PTPN4: variants seen among roughly 807,000 people sequenced by gnomAD.
PTPN4 encodes protein tyrosine phosphatase non-receptor type 4.
PTPN4 carries 49 observed loss-of-function variants against 135.5 expected under a neutral mutation model. That is an observed-to-expected ratio of 0.36 (90% CI 0.29 to 0.46). PTPN4 has a LOEUF of 0.46. Ranked by LOEUF, PTPN4 falls within the 20% of genes least tolerant of loss-of-function variation. The pLI is 1.00. For synonymous variants in PTPN4, 333 were observed against 369.9 expected (o/e 0.90, Z 1.14); for missense variants, 860 against 1,101.0 (o/e 0.78, Z 3.10).
intron 15 of PTPN4, among the ~76,000 whole-genome samples, chr2:119,943,487 C>T (rs970789107): frequency 2.0e-5 from 3 of 151,814 alleles, no homozygotes; most frequent in African/African-American, 7.3e-5. Flanking sequence ...TTCTGGGTCC[C>T]AGACTGGTAG....
rs1002066898 is a variant in PTPN4, at chr2:119,905,562, C to T, written c.764+4756C>T. Among the ~76,000 whole-genome samples the T allele has an allele frequency of 2.6e-5, 4 of 152,176 alleles. No individual in the cohort carries two copies. In the East Asian group the frequency reaches 7.7e-4, roughly 29 times the overall value. On this transcript the variant is annotated intron_variant, in intron 10 of 26. Transcript: ENST00000263708. ...ACACCAGATTCACCACTGGACAGAT[C>T]ATCTAGACAGAAAACAAACATTGGA...
At chr2:119,817,150 T>TG (rs1574349786) in intron 2 of PTPN4, among the ~76,000 whole-genome samples, 2 of 152,344 alleles carry the variant, frequency 1.3e-5, no homozygotes, top group East Asian at 3.9e-4. Context: ...GTGTCCTGAA[T>TG]GGTATTGCCT....
In PTPN4 at chr2:119,945,092, C is replaced by T. The variant is rs775342020; in HGVS notation, c.1367C>T (p.Thr456Ile). ...GTTTTCTTGTCTAGATCACAAGAGA[C>T]CCCTGGAGATGGGAAGCCTCCAGCT... ...IVLESSPSQE[T>I]PGDGKPPALP... Residue 456 changes from threonine to isoleucine, a missense_variant, in exon 16 of 27, where the codon ACC becomes ATC. By Grantham distance (89) the Thr-to-Ile change is moderately conservative. Around this residue, in one of 2 missense-constraint regions of PTPN4, gnomAD observed 684 missense variants for 807.0 expected, o/e 0.85. Coordinates refer to ENST00000263708, the MANE Select transcript of PTPN4 (RefSeq NM_002830.4). 1.9e-6 allele frequency: 3 copies of T among 1,600,830 alleles called. No homozygotes were observed. Among genetic ancestry groups the T allele is most frequent in the Non-Finnish European group, 8.5e-7 (1 of 1,175,960 alleles).
intron 5 of PTPN4, chr2:119,880,142 A>G (rs1230375863): frequency 6.6e-6 from 1 of 152,084 alleles, no homozygotes; most frequent in Non-Finnish European, 1.5e-5. Flanking sequence ...AGATACATAT[A>G]CTAGGCAAGT....
intron 16 of PTPN4, among the ~76,000 whole-genome samples, chr2:119,945,896 T>C (rs1359333018): frequency 2.6e-5 from 4 of 152,160 alleles, no homozygotes; most frequent in East Asian, 1.9e-4. Flanking sequence ...TATGGAAATA[T>C]ACACTTTAAA....
At chr2:119,941,094 G>C (rs897016614) in intron 15 of PTPN4, among the ~76,000 whole-genome samples, 69 of 151,908 alleles carry the variant, frequency 4.5e-4, no homozygotes, top group African/African-American at 1.6e-3. Context: ...TCTTATACTT[G>C]GCAGATTTTT....
intron 12 of PTPN4, among the ~76,000 whole-genome samples, chr2:119,920,706 T>C (rs746618725): frequency 3.9e-5 from 6 of 152,226 alleles, no homozygotes; most frequent in Admixed American, 1.3e-4. Flanking sequence ...AAATCAGATT[T>C]AGTCATTGAA....
At position 119,956,999 on chromosome 2, in the gene PTPN4, C is replaced by A; in HGVS notation, c.2072-17C>A. 2 of 1,606,712 alleles carry A rather than the reference C, an allele frequency of 1.2e-6. No homozygotes were observed. ...ACATAACTTTACTAAAACATTATTT[C>A]TTTTAAATTTTTTTAGATGATGCCA... On this transcript the variant is annotated splice_polypyrimidine_tract_variant and intron_variant, in intron 21 of 26. Coordinates refer to ENST00000263708, the MANE Select transcript of PTPN4 (RefSeq NM_002830.4).
chr2:119,956,711 T>A, intron 20 of PTPN4, 133 bp from the exon 21 acceptor site: 1 of 1,430,108 alleles, frequency 7.0e-7, no homozygotes, highest in South Asian at 1.4e-5. Context: ...TAGACTATGG[T>A]ATATCATTGT....
intron 1 of PTPN4, among the ~76,000 whole-genome samples, chr2:119,772,488 C>T (rs1380281304): frequency 6.6e-6 from 1 of 152,180 alleles, no homozygotes; most frequent in East Asian, 1.9e-4. Flanking sequence ...TACTTAGTCT[C>T]ATTTATTCCA....
intron 26 of PTPN4, among the ~76,000 whole-genome samples, chr2:119,971,727 G>A (rs1201262451): frequency 1.3e-5 from 2 of 152,184 alleles, no homozygotes; most frequent in Non-Finnish European, 2.9e-5. Context: ...TATCATAGAT[G>A]AGAAATTATT....
intron 1 of PTPN4, among the ~76,000 whole-genome samples, chr2:119,788,374 A>G (rs1027812431): frequency 1.3e-5 from 2 of 152,224 alleles, no homozygotes; most frequent in Admixed American, 6.5e-5. Context: ...ACATTTGATT[A>G]CAGAAACTTA....
chr2:119,784,477 C>T (rs1198142963), intron 1 of PTPN4, among the ~76,000 whole-genome samples: 2 of 150,308 alleles, frequency 1.3e-5, no homozygotes, highest in Admixed American at 6.6e-5. Flanking sequence ...AGCTCCGCCT[C>T]CCGGGTTCAC....
chr2:119,906,801 G>A (rs1678496269), intron 10 of PTPN4, among the ~76,000 whole-genome samples: 1 of 152,156 alleles, frequency 6.6e-6, no homozygotes, highest in African/African-American at 2.4e-5. Flanking sequence ...ACATAGGACT[G>A]GAAGTCCTAG....
At chr2:119,791,089 G>A (rs999788568) in intron 1 of PTPN4, 4 of 147,490 alleles carry the variant, frequency 2.7e-5, no homozygotes, top group Non-Finnish European at 6.0e-5. Context: ...AACACAAAAT[G>A]TATTTCTACC....
intron 2 of PTPN4, among the ~76,000 whole-genome samples, chr2:119,816,166 G>C (rs948498819): frequency 6.6e-6 from 1 of 152,162 alleles, no homozygotes; most frequent in Non-Finnish European, 1.5e-5. Flanking sequence ...CTACAAACCT[G>C]AACAGCGTGT....
chr2:119,810,669 A>G (rs1400013034), intron 2 of PTPN4, among the ~76,000 whole-genome samples: 1 of 152,186 alleles, frequency 6.6e-6, no homozygotes, highest in African/African-American at 2.4e-5. Flanking sequence ...ACATATCTTG[A>G]TACATATAAA....
chr2:119,766,462 G>GCT (rs1690628634), intron 1 of PTPN4, among the ~76,000 whole-genome samples: 2 of 138,762 alleles, frequency 1.4e-5, no homozygotes, highest in South Asian at 4.5e-4. Flanking sequence ...GTGTGTGTGT[G>GCT]TGTGTGTGTG....
At chr2:119,796,660 T>C (rs1169065475) in intron 1 of PTPN4, among the ~76,000 whole-genome samples, 2 of 152,218 alleles carry the variant, frequency 1.3e-5, no homozygotes, top group Admixed American at 6.5e-5. Flanking sequence ...AAAACATTCA[T>C]ATACAGATCT....
Sources: gnomAD v4.1 joint callset for allele counts (sites outside exome capture counted in the v4.1 genomes callset) on GRCh38, gnomAD v4.1.1 for gene constraint, gnomAD v4.1.1 regional missense constraint, MANE v1.5 for transcripts, NCBI Gene and HGNC (gene_info 2026-07-23, HGNC 2026-07-21) for gene names.